CASP9: variants seen among roughly 807,000 people sequenced by gnomAD.
CASP9 encodes caspase 9.
CASP9 carries 29 observed loss-of-function variants against 43.5 expected under a neutral mutation model. That is an observed-to-expected ratio of 0.67 (90% CI 0.50 to 0.91). The LOEUF is 0.91. CASP9 is among the 40% of genes least tolerant of loss of function. The probability of loss-of-function intolerance (pLI) is 0.00; values close to 1 mark genes in which losing one functional copy is unlikely to be tolerated. For missense variants in CASP9, 575 were observed against 537.4 expected (o/e 1.07, Z -0.69); for synonymous variants, 206 against 211.9 (o/e 0.97, Z 0.24).
At chr1:15,517,773 C>T (rs1220303690) in intron 2 of CASP9, among the ~76,000 whole-genome samples, 1 of 152,004 alleles carries the variant, frequency 6.6e-6, no homozygotes. Flanking sequence ...GTAGTCCAGG[C>T]TACCCACCCA....
At chr1:15,501,580 C>T (rs533360692) in intron 6 of CASP9, among the ~76,000 whole-genome samples, 19 of 152,268 alleles carry the variant, frequency 1.2e-4, no homozygotes, top group Non-Finnish European at 2.4e-4. Flanking sequence ...TCTCAGCTGA[C>T]GTGGCGCCAC....
rs1329697869 is a variant in CASP9 at position 15,492,485 on chromosome 1, C to T, written c.*458G>A. 6.3e-6 allele frequency: 1 copy of T among 157,772 alleles called. No homozygotes were observed. Among genetic ancestry groups the T allele is most frequent in the Non-Finnish European group, 1.4e-5 (1 of 71,906 alleles). The allele number at this position is 157,772 out of a possible 1,614,324, so 9.8% of individuals were successfully genotyped here. ...GCGAGGAAAGTTTTATACCCCAGGA[C>T]ATATTTGGCAACACCTGAGAACCTT... is the stretch of plus-strand genomic sequence containing the variant. On this transcript the variant is annotated 3_prime_UTR_variant, in exon 9 of 9. Transcript: ENST00000333868.
chr1:15,496,531 A>G (rs1709110137), intron 6 of CASP9, among the ~76,000 whole-genome samples: 1 of 152,208 alleles, frequency 6.6e-6, no homozygotes, highest in African/African-American at 2.4e-5. Context: ...ATGAAACACT[A>G]TTAGAACAAA....
At position 15,506,887 on chromosome 1, in the gene CASP9, T is replaced by A; in HGVS notation, c.630+12A>T. 1 of 1,583,886 alleles carries A rather than the reference T, an allele frequency of 6.3e-7. No homozygotes were observed. Among genetic ancestry groups the A allele is most frequent in the Non-Finnish European group, 8.7e-7 (1 of 1,153,448 alleles). On this transcript the variant is annotated intron_variant, in intron 4 of 8. Coordinates refer to ENST00000333868, the MANE Select transcript of CASP9 (RefSeq NM_001229.5). ...CCCCCACCCTGTCTCCCTCCACAGA[T>A]AGTGAGTGTACCTTGGCAGTCAGGT... is the stretch of plus-strand genomic sequence containing the variant.
chr1:15,491,455 G>A lies in CASP9; in HGVS notation c.*1488C>T, dbSNP rs1447690487. ...ATTCAGAAATCCATCCTAACATCCA[G>A]GGCCCTAAGAACCAGAAATAGGTCA... On this transcript the variant is annotated 3_prime_UTR_variant, in exon 9 of 9. Coordinates refer to ENST00000333868, the MANE Select transcript of CASP9 (RefSeq NM_001229.5). 1.6e-6 allele frequency: 2 copies of A among 1,213,540 alleles called. No homozygotes were observed. The highest frequency in any genetic ancestry group is 1.5e-5 in the African/African-American group (1 of 65,226). 75.2% of individuals were successfully genotyped at this position (1,213,540 alleles called of 1,614,324 possible).
At position 15,518,402 on chromosome 1, in the gene CASP9, G is replaced by A. The variant is rs1364967155; in HGVS notation, c.133-7C>T. On this transcript the variant is annotated splice_region_variant and splice_polypyrimidine_tract_variant and intron_variant, in intron 1 of 8. Transcript: ENST00000333868. ...GAGATCCAGAGCCTGCCCGCTGTTTGGAAAGAAAGGCAGGATACTAATTAT... is the reference window on the plus strand; with the variant it reads ...GAGATCCAGAGCCTGCCCGCTGTTTAGAAAGAAAGGCAGGATACTAATTAT... 3.7e-6 allele frequency: 6 copies of A among 1,606,590 alleles called. No homozygotes were observed. The African/African-American group carries it at 8.0e-5, about 22-fold the overall frequency.
chr1:15,509,295 T>C (rs1709643686), intron 2 of CASP9, among the ~76,000 whole-genome samples: 1 of 152,044 alleles, frequency 6.6e-6, no homozygotes, highest in Admixed American at 6.6e-5. Flanking sequence ...GTGACACCGC[T>C]TCACTGATAC....
chr1:15,506,091 G>A lies in CASP9; in HGVS notation c.631-12C>T. On this transcript the variant is annotated splice_polypyrimidine_tract_variant and intron_variant, in intron 4 of 8. Transcript: ENST00000333868. ...GCCAGCACCATTTTCTACAAGAGAG[G>A]GCTGCAGGTGAGCCAGAAGCACGGA... 1 of 1,593,532 alleles carries A rather than the reference G, an allele frequency of 6.3e-7. No homozygotes were observed. Among genetic ancestry groups the A allele is most frequent in the Non-Finnish European group, 8.6e-7 (1 of 1,161,466 alleles).
intron 8 of CASP9, chr1:15,493,453 T>G: frequency 7.9e-7 from 1 of 1,261,244 alleles, no homozygotes; most frequent in Non-Finnish European, 1.0e-6. Flanking sequence ...CCCTTCCCTA[T>G]CTGTTTCCTC....
upstream of CASP9, chr1:15,524,793 A>G: frequency 2.0e-6 from 2 of 988,042 alleles, no homozygotes; most frequent in Non-Finnish European, 2.4e-6. Context: ...ACGCATCTAG[A>G]AGGTCTCGCC....
chr1:15,493,266 AAGGAGCC>A, intron 8 of CASP9: 15 of 1,390,078 alleles, frequency 1.1e-5, no homozygotes, highest in Non-Finnish European at 1.4e-5. Context: ...AAATATTTGC[AAGGAGCC>A]AGGAGTGGCC....
At chr1:15,508,826 G>A (rs1709624131) in intron 2 of CASP9, among the ~76,000 whole-genome samples, 1 of 152,210 alleles carries the variant, frequency 6.6e-6, no homozygotes, top group Admixed American at 6.5e-5. Flanking sequence ...CAATAGAAAA[G>A]GGCTACCAGG....
Position 15,492,837 on chromosome 1 carries a change from G to A in CASP9, c.*106C>T. ...CAGAGAAAGAGCAGACCCTGTGCCGGCTGCAAAGTCCTTGAGTTGCAGGAA... is the reference window on the plus strand; with the variant it reads ...CAGAGAAAGAGCAGACCCTGTGCCGACTGCAAAGTCCTTGAGTTGCAGGAA... On this transcript the variant is annotated 3_prime_UTR_variant, in exon 9 of 9. Transcript: ENST00000333868. 1 of 1,471,262 alleles carries A rather than the reference G, an allele frequency of 6.8e-7. No individual in the cohort carries two copies. 91.1% of individuals were successfully genotyped at this position (1,471,262 alleles called of 1,614,324 possible).
chr1:15,513,088 G>A (rs1314939296), intron 2 of CASP9, among the ~76,000 whole-genome samples: 2 of 151,494 alleles, frequency 1.3e-5, no homozygotes, highest in Non-Finnish European at 2.9e-5. Context: ...GTGAACCCAG[G>A]AGGCAGAGCT....
chr1:15,524,801 G>T, upstream of CASP9: 1 of 980,578 alleles, frequency 1.0e-6, no homozygotes. Flanking sequence ...AGAAGGTCTC[G>T]CCCCGCCCCC....
Position 15,491,443 on chromosome 1 carries a change from T to A in CASP9, c.*1500A>T. 1 of 1,303,044 alleles carries A rather than the reference T, an allele frequency of 7.7e-7. No individual in the cohort carries two copies. Among genetic ancestry groups the A allele is most frequent in the East Asian group, 2.5e-5 (1 of 39,788 alleles). 80.7% of individuals were successfully genotyped at this position (1,303,044 alleles called of 1,614,324 possible). A position where few individuals can be genotyped will look rare whatever the true frequency, so the allele number is the denominator to read the frequency against. On this transcript the variant is annotated 3_prime_UTR_variant, in exon 9 of 9. Transcript: ENST00000333868. The stretch of plus-strand genomic sequence containing the variant: ...TTATTATTATTAATTCAGAAATCCA[T>A]CCTAACATCCAGGGCCCTAAGAACC...
intron 1 of CASP9, among the ~76,000 whole-genome samples, chr1:15,522,555 AT>A (rs1027576815): frequency 8.6e-5 from 13 of 151,802 alleles, no homozygotes; most frequent in African/African-American, 1.2e-4. Flanking sequence ...CAAAAAAAAA[AT>A]TTTTTTTAAT....
intron 2 of CASP9, among the ~76,000 whole-genome samples, chr1:15,512,557 C>G (rs1156382464): frequency 6.6e-6 from 1 of 152,170 alleles, no homozygotes; most frequent in African/African-American, 2.4e-5. Flanking sequence ...CAGACTGGAA[C>G]TACACCACCA....
chr1:15,523,980 A>C, intron 1 of CASP9, 89 bp downstream of exon 1: 1 of 1,016,596 alleles, frequency 9.8e-7, no homozygotes, highest in Non-Finnish European at 1.4e-6. Context: ...GTTTGAAGCC[A>C]CAGGGAAGGC....
Sources: gnomAD v4.1 joint callset for allele counts (sites outside exome capture counted in the v4.1 genomes callset) on GRCh38, gnomAD v4.1.1 for gene constraint, MANE v1.5 for transcripts, NCBI Gene and HGNC (gene_info 2026-07-23, HGNC 2026-07-21) for gene names.